Variants in CNNM4 observed in about 807,000 individuals in gnomAD.
CNNM4 encodes the protein cyclin and CBS domain divalent metal cation transport mediator 4, also known as metal transporter CNNM4.
A neutral mutation model predicts 53.7 loss-of-function variants in CNNM4; 32 were observed. The ratio of observed to expected loss-of-function variants is 0.60; its 90% CI spans 0.45 to 0.80. The LOEUF (loss-of-function observed/expected upper bound fraction) is 0.80, where lower values mean the gene tolerates loss of function less well. CNNM4 is among the 30% of genes least tolerant of loss of function. The probability of loss-of-function intolerance (pLI) is 0.00; values close to 1 mark genes in which losing one functional copy is unlikely to be tolerated. For missense variants in CNNM4, 784 were observed against 1,022.0 expected, an observed-to-expected ratio of 0.77 and a Z score of 3.17; for synonymous variants, 410 against 440.0, an observed-to-expected ratio of 0.93 and a Z score of 0.85.
rs2078759384 is a variant in CNNM4, at chr2:96,761,321, T to A, written c.322T>A (p.Cys108Ser). ...CGAGACCCTCCACAAGTCCACCAGCTGCCTCGAGCTCACCAAGGACCTGGT... is the reference window on the plus strand; with the variant it reads ...CGAGACCCTCCACAAGTCCACCAGCAGCCTCGAGCTCACCAAGGACCTGGT... ...DAETLHKSTS[C>S]LELTKDLVVQ... Residue 108 changes from cysteine to serine, a missense_variant, in exon 1 of 7, where the codon TGC becomes AGC. Cys to Ser is a moderately radical substitution (Grantham distance 112, BLOSUM62 -1). Transcript: ENST00000377075. The surrounding 1 kb of genome is among the most constrained non-coding windows in gnomAD (Gnocchi z 6.0). 1 of 1,613,944 alleles carries A rather than the reference T, an allele frequency of 6.2e-7. No individual in the cohort carries two copies.
At chr2:96,771,565 T>G (rs1028324937) in intron 1 of CNNM4, among the ~76,000 whole-genome samples, 7 of 151,940 alleles carry the variant, frequency 4.6e-5, no homozygotes, top group Non-Finnish European at 8.8e-5. Context: ...ACAAAAAATT[T>G]TAGCCGGTCG....
In CNNM4 at chr2:96,762,114, C is replaced by A. The variant is rs1272462209; in HGVS notation, c.1115C>A (p.Thr372Asn). 5 of 1,614,074 alleles carry A rather than the reference C, an allele frequency of 3.1e-6. No individual in the cohort carries two copies. Among genetic ancestry groups the A allele is most frequent in the Non-Finnish European group, 3.4e-6 (4 of 1,180,026 alleles). ...GGTGCCCTGGAACTACGGACCAAAA[C>A]TGTAGAGGATATCATGACCCAGCTC... ...IQGALELRTK[T>N]VEDIMTQLQD... The change falls in exon 1 of 7, where the codon ACT becomes AAT. Residue 372 changes from threonine to asparagine, a missense_variant. Transcript: ENST00000377075.
intron 1 of CNNM4, among the ~76,000 whole-genome samples, chr2:96,785,132 C>G (rs1365493506): frequency 6.6e-6 from 1 of 152,104 alleles, no homozygotes; most frequent in Non-Finnish European, 1.5e-5. Flanking sequence ...CCTGCCTCAG[C>G]CTCCCAACGT....
At chr2:96,783,145 C>T (rs913364175) in intron 1 of CNNM4, among the ~76,000 whole-genome samples, 3 of 152,200 alleles carry the variant, frequency 2.0e-5, no homozygotes, top group Non-Finnish European at 4.4e-5. Flanking sequence ...TGGAGCCTCA[C>T]AAGGCCATGA....
chr2:96,774,119 G>A (rs559734148), intron 1 of CNNM4, among the ~76,000 whole-genome samples: 2 of 152,126 alleles, frequency 1.3e-5, no homozygotes, highest in East Asian at 1.9e-4. Context: ...TCCATGTTCC[G>A]ACTGCAGGAG....
intron 1 of CNNM4, among the ~76,000 whole-genome samples, chr2:96,792,519 G>A (rs1011705073): frequency 6.6e-6 from 1 of 151,912 alleles, no homozygotes; most frequent in Non-Finnish European, 1.5e-5. Context: ...AAAGACAGGA[G>A]GGACTGGTCA....
chr2:96,808,834 A>G lies in CNNM4; in HGVS notation c.2130+92A>G. Reference sequence around the variant, plus strand: ...CCACCAAACCCAGCATGGTGGGCCCAAACCCGAGATGCCTTTTTCTTCTGG... The same window carrying G: ...CCACCAAACCCAGCATGGTGGGCCCGAACCCGAGATGCCTTTTTCTTCTGG... On this transcript the variant is annotated intron_variant, in intron 6 of 6. Transcript: ENST00000377075. This position sits in a 1 kb window ranked among gnomAD's most constrained non-coding sequence, Gnocchi z 4.9. The G allele has an allele frequency of 7.6e-7, 1 of 1,321,972 alleles. No homozygotes were observed. The highest frequency in any genetic ancestry group is 1.2e-5 in the South Asian group (1 of 82,820). 81.9% of individuals were successfully genotyped at this position (1,321,972 alleles called of 1,614,324 possible).
In CNNM4 at chr2:96,797,040, G is replaced by A. The variant is rs139574416; in HGVS notation, c.1431G>A (p.Lys477=). 4.2e-5 allele frequency: 67 copies of A among 1,613,578 alleles called. 1 individual carries two copies. In the African/African-American group the frequency reaches 7.6e-4, roughly 18 times the overall value. The change falls in exon 2 of 7, where the codon AAG becomes AAA. Residue 477 remains lysine, a synonymous_variant. Coordinates refer to ENST00000377075, the MANE Select transcript of CNNM4 (RefSeq NM_020184.4). This position sits in a 1 kb window ranked among gnomAD's most constrained non-coding sequence, Gnocchi z 6.0. ...AGTCCCACCTGGCCATCGTGCAGAA[G>A]GTAAACAACGAGGGTGAGGGTGACC... The part of the protein sequence containing the change: ...KGKSHLAIVQ[K]VNNEGEGDPF...
chr2:96,767,143 A>G (rs970703078), intron 1 of CNNM4, among the ~76,000 whole-genome samples: 1 of 152,078 alleles, frequency 6.6e-6, no homozygotes, highest in African/African-American at 2.4e-5. Flanking sequence ...GTAGGGGCCG[A>G]GTGTCCCTAG....
intron 1 of CNNM4, among the ~76,000 whole-genome samples, chr2:96,764,108 C>A (rs1431840530): frequency 1.3e-5 from 2 of 152,104 alleles, no homozygotes; most frequent in Admixed American, 6.5e-5. Flanking sequence ...TTGTGACACA[C>A]CCAGTAGCAC....
Position 96,761,757 on chromosome 2 carries a change from T to G in CNNM4, c.758T>G (p.Val253Gly). ...LCSLLLGNVL[V>G]NTSLTILLDN... ...TCGTTGCTCCTAGGGAACGTGCTGGTCAACACCTCCCTCACAATCCTTCTA... is the reference window on the plus strand; with the variant it reads ...TCGTTGCTCCTAGGGAACGTGCTGGGCAACACCTCCCTCACAATCCTTCTA... The change falls in exon 1 of 7, where the codon GTC (valine) becomes GGC (glycine). Residue 253 changes from valine (V) to glycine (G), a missense_variant. Around this residue, in one of 3 missense-constraint regions of CNNM4, gnomAD observed 473 missense variants for 624.6 expected, o/e 0.76. Transcript: ENST00000377075. This position sits in a 1 kb window ranked among gnomAD's most constrained non-coding sequence, Gnocchi z 6.0. 1 of 1,611,392 alleles carries G rather than the reference T, an allele frequency of 6.2e-7. No homozygotes were observed. Among genetic ancestry groups the G allele is most frequent in the Non-Finnish European group, 8.5e-7 (1 of 1,179,986 alleles).
chr2:96,809,080 G>A (rs941939142), intron 6 of CNNM4, among the ~76,000 whole-genome samples: 2 of 151,412 alleles, frequency 1.3e-5, no homozygotes, highest in Non-Finnish European at 2.9e-5. Flanking sequence ...GGGCTCAAGC[G>A]ATTTGCCCGC....
chr2:96,807,569 A>G (rs925710929), intron 5 of CNNM4, among the ~76,000 whole-genome samples: 1 of 152,000 alleles, frequency 6.6e-6, no homozygotes, highest in Non-Finnish European at 1.5e-5. Context: ...CCAAAAAAAC[A>G]AGAAAAAGAA....
intron 1 of CNNM4, among the ~76,000 whole-genome samples, chr2:96,765,801 T>C (rs1256568053): frequency 2.0e-5 from 3 of 151,048 alleles, no homozygotes; most frequent in East Asian, 1.9e-4. Flanking sequence ...TTCTTTCTTT[T>C]TTTTTTTTTT....
At chr2:96,784,805 A>C (rs1227645357) in intron 1 of CNNM4, among the ~76,000 whole-genome samples, 1 of 152,224 alleles carries the variant, frequency 6.6e-6, no homozygotes, top group Non-Finnish European at 1.5e-5. Flanking sequence ...ATGGTCACCC[A>C]GACAGGTTGG....
At chr2:96,792,372 T>G (rs2079069572) in intron 1 of CNNM4, among the ~76,000 whole-genome samples, 1 of 152,180 alleles carries the variant, frequency 6.6e-6, no homozygotes, top group African/African-American at 2.4e-5. Context: ...AGCAATAATT[T>G]CCGAAGTATA....
chr2:96,784,771 G>A (rs1180575681), intron 1 of CNNM4, among the ~76,000 whole-genome samples: 1 of 152,216 alleles, frequency 6.6e-6, no homozygotes, highest in Non-Finnish European at 1.5e-5. Flanking sequence ...GACAGTAGAT[G>A]TAGGGCAACT....
chr2:96,774,683 G>A (rs62152765), intron 1 of CNNM4, among the ~76,000 whole-genome samples: 13,112 of 152,092 alleles, frequency 0.086, 624 homozygotes, highest in Middle Eastern at 0.16. Context: ...AAGAGAGCAG[G>A]CTGGGTGCAG....
rs117676952 is a variant in CNNM4 at position 96,807,381 on chromosome 2, G to T, written c.1949-1180G>T. On this transcript the variant is annotated intron_variant, in intron 5 of 6. Coordinates refer to ENST00000377075, the MANE Select transcript of CNNM4 (RefSeq NM_020184.4). ...CACCTGTCTGTAATCCCAGCACTTT[G>T]CGAGGTTGAGGCAGGCGGATCACCA... Among the ~76,000 whole-genome samples the T allele has an allele frequency of 7.4e-4, 112 of 152,170 alleles. 2 individuals carry two copies. The East Asian group carries it at 0.021, about 29-fold the overall frequency.
Sources: allele counts gnomAD v4.1 joint callset (sites outside exome capture counted in the v4.1 genomes callset), GRCh38; gene constraint gnomAD v4.1.1; regional missense constraint gnomAD v4.1.1; non-coding constraint Gnocchi (gnomAD v3.1); transcripts MANE v1.5; gene names NCBI Gene and HGNC (gene_info 2026-07-23, HGNC 2026-07-21).